BCAM: variants seen among roughly 807,000 people sequenced by gnomAD.
The protein encoded by BCAM is basal cell adhesion molecule (Lutheran blood group).
A neutral mutation model predicts 72.4 loss-of-function variants in BCAM; 61 were observed. The observed-to-expected ratio is 0.84, with a 90% CI of 0.69 to 1.04. The LOEUF is 1.04. Among genes scored for constraint, BCAM ranks in the 50% least tolerant of loss-of-function variants. The pLI is 0.00. For missense variants in BCAM, 909 were observed against 895.0 expected (o/e 1.02, Z -0.20); for synonymous variants, 408 against 384.2 (o/e 1.06, Z -0.73).
intron 8 of BCAM, among the ~76,000 whole-genome samples, chr19:44,815,967 G>A (rs919929218): frequency 6.6e-6 from 1 of 152,098 alleles, no homozygotes; most frequent in African/African-American, 2.4e-5. Flanking sequence ...AGCCAAGATT[G>A]TGCCACTGCA....
At position 44,820,688 on chromosome 19, in the gene BCAM, C is replaced by T. The variant is rs1417564957; in HGVS notation, c.1764-17C>T. The T allele has an allele frequency of 5.7e-6, 8 of 1,401,182 alleles. No homozygotes were observed. The highest frequency in any genetic ancestry group is 7.4e-6 in the Non-Finnish European group (8 of 1,074,052). The allele number at this position is 1,401,182 out of a possible 1,614,324, so 86.8% of individuals were successfully genotyped here. A position where few individuals can be genotyped will look rare whatever the true frequency, so the allele number is the denominator to read the frequency against. ...ACCTCCAACACGACGCCTCCGCCCG[C>T]TGCCTCCTCCCCCCAGGCCGCCAGG... On this transcript the variant is annotated splice_polypyrimidine_tract_variant and intron_variant, in intron 13 of 14. Coordinates refer to ENST00000270233, the MANE Select transcript of BCAM (RefSeq NM_005581.5).
intron 1 of BCAM, among the ~76,000 whole-genome samples, chr19:44,810,252 A>G (rs568559873): frequency 1.1e-4 from 17 of 152,230 alleles, no homozygotes; most frequent in African/African-American, 4.1e-4. Context: ...CCAGGAGTCC[A>G]GGTGCCCAGC....
rs145105164 is a variant in BCAM at position 44,814,621 on chromosome 19, G to A, written c.939G>A (p.Val313=). The change falls in exon 8 of 15, where the codon GTG becomes GTA. Residue 313 remains valine, a synonymous_variant. Coordinates refer to ENST00000270233, the MANE Select transcript of BCAM (RefSeq NM_005581.5). This position sits in a 1 kb window ranked among gnomAD's most constrained non-coding sequence, Gnocchi z 4.6. ...TCTCCCAGGATGAGCAGGAGGAAGTGCTGAATGTGAATCTCGAGGGGAACT... is the reference window on the plus strand; with the variant it reads ...TCTCCCAGGATGAGCAGGAGGAAGTACTGAATGTGAATCTCGAGGGGAACT... The part of the protein sequence containing the change: ...LFRLQDEQEE[V]LNVNLEGNLT... 35 of 1,613,756 alleles carry A rather than the reference G, an allele frequency of 2.2e-5. No homozygotes were observed. The highest frequency in any genetic ancestry group is 2.7e-5 in the Non-Finnish European group (32 of 1,179,852).
rs751903760 is a variant in BCAM at position 44,820,718 on chromosome 19, C to CCAGG, written c.1778_1781dup (p.Leu595ArgfsTer114). The stretch of plus-strand genomic sequence containing the variant: ...TCCTCCCCCCAGGCCGCCAGGGGAG[C>CCAGG]CAGGGCTGAGCCACTCGGGGTCGGA... On this transcript the variant is annotated frameshift_variant, in exon 14 of 15. Coordinates refer to ENST00000270233, the MANE Select transcript of BCAM (RefSeq NM_005581.5). LOFTEE classifies it high-confidence loss of function. 7.0e-7 allele frequency: 1 copy of CCAGG among 1,421,534 alleles called. No homozygotes were observed. 88.1% of individuals were successfully genotyped at this position (1,421,534 alleles called of 1,614,324 possible).
In BCAM at chr19:44,814,463, A is replaced by G; in HGVS notation, c.922-141A>G. ...TGACCCCTGATTTGAGAGAGTCAGG[A>G]CTTAGCATGCCACCTGACTTGATGG... On this transcript the variant is annotated intron_variant, in intron 7 of 14. Coordinates refer to ENST00000270233, the MANE Select transcript of BCAM (RefSeq NM_005581.5). The surrounding 1 kb of genome is among the most constrained non-coding windows in gnomAD (Gnocchi z 4.6). 1 of 1,389,080 alleles carries G rather than the reference A, an allele frequency of 7.2e-7. No individual in the cohort carries two copies. Among genetic ancestry groups the G allele is most frequent in the Non-Finnish European group, 9.7e-7 (1 of 1,034,486 alleles). 86.0% of individuals were successfully genotyped at this position (1,389,080 alleles called of 1,614,324 possible).
rs1372578427 is a variant in BCAM at position 44,814,782 on chromosome 19, G to T, written c.1078+22G>T. 1 of 1,594,392 alleles carries T rather than the reference G, an allele frequency of 6.3e-7. No individual in the cohort carries two copies. The highest frequency in any genetic ancestry group is 1.7e-5 in the Admixed American group (1 of 59,422). ...GCCTGTGAGAGCCCTGGGTGAACGGGCGGGCAGGAGGGGCCCTGGCATCAG... is the reference window on the plus strand; with the variant it reads ...GCCTGTGAGAGCCCTGGGTGAACGGTCGGGCAGGAGGGGCCCTGGCATCAG... On this transcript the variant is annotated intron_variant, in intron 8 of 14. Coordinates refer to ENST00000270233, the MANE Select transcript of BCAM (RefSeq NM_005581.5). This position sits in a 1 kb window ranked among gnomAD's most constrained non-coding sequence, Gnocchi z 4.6.
chr19:44,810,524 G>A (rs1249180977), intron 1 of BCAM, among the ~76,000 whole-genome samples: 1 of 152,176 alleles, frequency 6.6e-6, no homozygotes, highest in Non-Finnish European at 1.5e-5. Flanking sequence ...TGGGAGAGCG[G>A]AAGAGACCCA....
intron 13 of BCAM, 90 bp downstream of exon 13, chr19:44,819,816 T>C (rs3669): frequency 0.16 from 233,580 of 1,446,234 alleles, 19,588 homozygotes; most frequent in South Asian, 0.26. Context: ...CAACCACATC[T>C]TATCCTCCAC....
chr19:44,812,747 C>G lies in BCAM; in HGVS notation c.504+199C>G, dbSNP rs2122552289. On this transcript the variant is annotated intron_variant, in intron 4 of 14. Transcript: ENST00000270233. The surrounding 1 kb of genome is among the most constrained non-coding windows in gnomAD (Gnocchi z 5.3). ...GGCGGATCACCTGAGGTCAGGAGTT[C>G]CAGACCAGCCTGGCCAACATAATGA... 1.7e-6 allele frequency: 1 copy of G among 602,146 alleles called. No individual in the cohort carries two copies. The highest frequency in any genetic ancestry group is 1.9e-5 in the African/African-American group (1 of 53,832). The allele number at this position is 602,146 out of a possible 1,614,324, so 37.3% of individuals were successfully genotyped here. A position where few individuals can be genotyped will look rare whatever the true frequency, so the allele number is the denominator to read the frequency against.
intron 1 of BCAM, 22 bp from the exon 2 acceptor site, chr19:44,811,203 T>C (rs1599883184): frequency 4.3e-6 from 7 of 1,611,342 alleles, no homozygotes; most frequent in African/African-American, 1.3e-5. Flanking sequence ...TGGTGGATGA[T>C]AGCTCAGTTG....
intron 2 of BCAM, 160 bp downstream of exon 2, chr19:44,811,506 GC>G: frequency 7.9e-7 from 1 of 1,261,102 alleles, no homozygotes; most frequent in Non-Finnish European, 1.1e-6. Flanking sequence ...TCTGCAAGGT[GC>G]CCCGTGTCTA....
intron 8 of BCAM, among the ~76,000 whole-genome samples, chr19:44,817,572 TCTCA>T (rs922814516): frequency 2.7e-5 from 4 of 148,102 alleles, no homozygotes; most frequent in African/African-American, 1.0e-4. Flanking sequence ...TGAGTCAGAG[TCTCA>T]CTCTGTCACC....
rs1466145401 is a variant in BCAM at position 44,814,599 on chromosome 19, C to G, written c.922-5C>G. On this transcript the variant is annotated splice_region_variant and splice_polypyrimidine_tract_variant and intron_variant, in intron 7 of 14. Coordinates refer to ENST00000270233, the MANE Select transcript of BCAM (RefSeq NM_005581.5). The surrounding 1 kb of genome is among the most constrained non-coding windows in gnomAD (Gnocchi z 4.6). ...GAGCCTGGTTCCTCGTCCCCCGTCT[C>G]CCAGGATGAGCAGGAGGAAGTGCTG... 1 of 1,611,636 alleles carries G rather than the reference C, an allele frequency of 6.2e-7. No homozygotes were observed. Among genetic ancestry groups the G allele is most frequent in the Non-Finnish European group, 8.5e-7 (1 of 1,178,328 alleles).
chr19:44,812,414 C>T lies in BCAM; in HGVS notation c.433+23C>T, dbSNP rs530745285. ...TTGGTAAGTGTCCTCGGGCATCCCC[C>T]GAAGGGAGGCAGGCAGGGAGGGGCG... On this transcript the variant is annotated intron_variant, in intron 3 of 14. Coordinates refer to ENST00000270233, the MANE Select transcript of BCAM (RefSeq NM_005581.5). The surrounding 1 kb of genome is among the most constrained non-coding windows in gnomAD (Gnocchi z 5.3). 13 of 1,614,066 alleles carry T rather than the reference C, an allele frequency of 8.1e-6. No homozygotes were observed. The highest frequency in any genetic ancestry group is 3.3e-5 in the Admixed American group (2 of 60,000).
Position 44,820,680 on chromosome 19 carries a change from TCCGCCCGCTGCCTCCTCCCCCCAGG to T in BCAM, c.1764-19_1769del. The T allele has an allele frequency of 8.0e-7, 1 of 1,249,120 alleles. No homozygotes were observed. The highest frequency in any genetic ancestry group is 1.0e-6 in the Non-Finnish European group (1 of 983,216). 77.4% of individuals were successfully genotyped at this position (1,249,120 alleles called of 1,614,324 possible). On this transcript the variant is annotated splice_acceptor_variant and splice_polypyrimidine_tract_variant and coding_sequence_variant and intron_variant, in exon 14 of 15. Transcript: ENST00000270233. LOFTEE classifies it high-confidence loss of function. ...CCGTGTGCACCTCCAACACGACGCC[TCCGCCCGCTGCCTCCTCCCCCCAGG>T]CCGCCAGGGGAGCCAGGGCTGAGCC...
In BCAM at chr19:44,819,707, C is replaced by T. The variant is rs530198614; in HGVS notation, c.1744C>T (p.Arg582Trp). The T allele has an allele frequency of 1.1e-5, 17 of 1,606,998 alleles. No homozygotes were observed. Among genetic ancestry groups the T allele is most frequent in the African/African-American group, 1.3e-5 (1 of 74,718 alleles). The change falls in exon 13 of 15, where the codon CGG becomes TGG. Residue 582 changes from arginine (R) to tryptophan (W), a missense_variant. Transcript: ENST00000270233. Reference protein sequence around the residue: ...RRKGGPCCRQRREKGAPPPGE... With the variant: ...RRKGGPCCRQWREKGAPPPGE... Reference sequence around the variant, plus strand: ...CAAAGGGGGCCCCTGCTGCCGCCAGCGGCGGGAGAAGGGGGCTCCGTGAGT... The same window carrying T: ...CAAAGGGGGCCCCTGCTGCCGCCAGTGGCGGGAGAAGGGGGCTCCGTGAGT...
intron 1 of BCAM, among the ~76,000 whole-genome samples, chr19:44,810,629 G>A (rs942407561): frequency 6.6e-6 from 1 of 152,232 alleles, no homozygotes; most frequent in African/African-American, 2.4e-5. Flanking sequence ...GACCAGGATG[G>A]AGAGAAACAT....
Position 44,809,156 on chromosome 19 carries a change from G to T in BCAM, c.32G>T (p.Arg11Leu), listed in dbSNP as rs1968383709. MEPPDAPAQA[R>L]GAPRLLLLAV... ...CCCCCGGACGCACCGGCCCAGGCGC[G>T]CGGGGCCCCGCGGCTGCTGTTGCTC... Residue 11 changes from arginine (R) to leucine (L), a missense_variant, in exon 1 of 15, where the codon CGC becomes CTC. Physicochemically the swap from Arg to Leu is moderately radical, Grantham distance 102. Coordinates refer to ENST00000270233, the MANE Select transcript of BCAM (RefSeq NM_005581.5). 3.4e-6 allele frequency: 5 copies of T among 1,472,604 alleles called. No homozygotes were observed. In the African/African-American group the frequency reaches 5.9e-5, roughly 17 times the overall value. 91.2% of individuals were successfully genotyped at this position (1,472,604 alleles called of 1,614,324 possible).
chr19:44,814,028 C>A lies in BCAM; in HGVS notation c.785-124C>A. 1 of 1,248,414 alleles carries A rather than the reference C, an allele frequency of 8.0e-7. No individual in the cohort carries two copies. The highest frequency in any genetic ancestry group is 1.1e-6 in the Non-Finnish European group (1 of 915,644). 77.3% of individuals were successfully genotyped at this position (1,248,414 alleles called of 1,614,324 possible). Reference sequence around the variant, plus strand: ...ATAATTGTGAACCTGAGGCTTGAAACCTATGACCCGTAACCTTTGACCCGC... The same window carrying A: ...ATAATTGTGAACCTGAGGCTTGAAAACTATGACCCGTAACCTTTGACCCGC... On this transcript the variant is annotated intron_variant, in intron 6 of 14. Coordinates refer to ENST00000270233, the MANE Select transcript of BCAM (RefSeq NM_005581.5). The surrounding 1 kb of genome is among the most constrained non-coding windows in gnomAD (Gnocchi z 4.6).
Sources: gnomAD v4.1 joint callset for allele counts (sites outside exome capture counted in the v4.1 genomes callset) on GRCh38, gnomAD v4.1.1 for gene constraint, Gnocchi (gnomAD v3.1) non-coding constraint, MANE v1.5 for transcripts, NCBI Gene and HGNC (gene_info 2026-07-23, HGNC 2026-07-21) for gene names.